DZANK1: variants seen among roughly 807,000 people sequenced by gnomAD.
The protein encoded by DZANK1 is double zinc ribbon and ankyrin repeat-containing protein 1.
DZANK1 carries 91 observed loss-of-function variants against 94.5 expected under a neutral mutation model. That is an observed-to-expected ratio of 0.96 (90% CI 0.81 to 1.15). The LOEUF (loss-of-function observed/expected upper bound fraction) is 1.15, where lower values mean the gene tolerates loss of function less well. DZANK1 is among the 50% of genes most tolerant of loss of function. The pLI is 0.00. For synonymous variants in DZANK1, 312 were observed against 325.3 expected (o/e 0.96, Z 0.44); for missense variants, 903 against 916.4 (o/e 0.99, Z 0.19).
rs774921228 is a variant in DZANK1, at chr20:18,394,342, G to A, written c.1620C>T (p.Tyr540=). ...CGCTGAAATTCACTGCCTTGTTCAG[G>A]TAAAGGTTCTGGCCAATGAAAACAT... is the stretch of plus-strand genomic sequence containing the variant. Residue 540 remains tyrosine, a synonymous_variant, in exon 16 of 21, where the codon TAC becomes TAT. Coordinates refer to ENST00000262547, the Ensembl canonical transcript of DZANK1. 6.2e-6 allele frequency: 10 copies of A among 1,613,488 alleles called. No homozygotes were observed. In the East Asian group the frequency reaches 2.0e-4, roughly 32 times the overall value.
At chr20:18,384,210 C>T (rs1319646638) in exon 21 of DZANK1, 1 of 513,698 alleles carries the variant, frequency 1.9e-6, no homozygotes, top group East Asian at 3.8e-5. Context: ...CAGGCATGCA[C>T]CACTACGCCC....
chr20:18,427,283 T>C, intron 9 of DZANK1, 124 bp from the exon 10 acceptor site: 3 of 610,064 alleles, frequency 4.9e-6, no homozygotes, highest in Non-Finnish European at 5.6e-6. Flanking sequence ...AGGCCCTGAA[T>C]ACTGGATTGG....
At chr20:18,413,455 G>C (rs2057350409) in intron 12 of DZANK1, among the ~76,000 whole-genome samples, 1 of 152,190 alleles carries the variant, frequency 6.6e-6, no homozygotes, top group Non-Finnish European at 1.5e-5. Context: ...GCTAGTGGCA[G>C]TTTAGGATTT....
At chr20:18,459,033 C>T (rs556736873) in intron 3 of DZANK1, among the ~76,000 whole-genome samples, 15 of 152,328 alleles carry the variant, frequency 9.8e-5, no homozygotes, top group Admixed American at 4.6e-4. Flanking sequence ...ATTTTTTACT[C>T]TCTCTTGAAA....
chr20:18,393,636 T>TA, intron 17 of DZANK1, 75 bp downstream of exon 17: 2 of 990,914 alleles, frequency 2.0e-6, no homozygotes, highest in East Asian at 2.5e-5. Flanking sequence ...TCTTCCATTT[T>TA]AAAAAAGGTC....
At chr20:18,415,163 G>A (rs6045393) in intron 11 of DZANK1, among the ~76,000 whole-genome samples, 164 bp downstream of exon 11, 125,989 of 152,088 alleles carry the variant, frequency 0.83, 52,693 homozygotes, top group South Asian at 0.96. Flanking sequence ...ATGGCTCTCA[G>A]TGTAAGATAA....
intron 5 of DZANK1, among the ~76,000 whole-genome samples, chr20:18,453,278 G>GT (rs1386090261): frequency 6.6e-6 from 1 of 152,190 alleles, no homozygotes; most frequent in Non-Finnish European, 1.5e-5. Flanking sequence ...TGAACACAGT[G>GT]TTCCCCATGT....
At chr20:18,415,224 TC>T in intron 11 of DZANK1, 102 bp downstream of exon 11, 1 of 1,244,082 alleles carries the variant, frequency 8.0e-7, no homozygotes, top group Non-Finnish European at 1.0e-6. Context: ...AGTAGCGAAA[TC>T]ACAAGAAGTG....
chr20:18,432,183 T>C (rs541242136), intron 9 of DZANK1, among the ~76,000 whole-genome samples: 1 of 152,312 alleles, frequency 6.6e-6, no homozygotes, highest in East Asian at 1.9e-4. Flanking sequence ...GATGATATTA[T>C]ATATATTGAG....
At chr20:18,411,918 G>A (rs533094224) in intron 13 of DZANK1, among the ~76,000 whole-genome samples, 1 of 152,124 alleles carries the variant, frequency 6.6e-6, no homozygotes, top group Non-Finnish European at 1.5e-5. Flanking sequence ...GGAGGGCAAC[G>A]TTGTGTCCTC....
chr20:18,465,376 C>CTA lies in DZANK1; in HGVS notation c.-19_-18insTA, dbSNP rs778654956. The stretch of plus-strand genomic sequence containing the variant: ...GCAGTCATTTTCTCTCTCTCTCTCT[C>CTA]TCTCTATATATATATACATATAAAT... On this transcript the variant is annotated splice_region_variant and 5_prime_UTR_variant, in exon 2 of 21. Coordinates refer to ENST00000262547, the Ensembl canonical transcript of DZANK1. 1,138 of 1,352,400 alleles carry CTA rather than the reference C, an allele frequency of 8.4e-4. 1 individual carries two copies. Among genetic ancestry groups the CTA allele is most frequent in the African/African-American group, 2.7e-3 (177 of 66,360 alleles). The allele number at this position is 1,352,400 out of a possible 1,614,324, so 83.8% of individuals were successfully genotyped here.
At chr20:18,408,683 A>T (rs2148397910) in intron 13 of DZANK1, among the ~76,000 whole-genome samples, 1 of 152,372 alleles carries the variant, frequency 6.6e-6, no homozygotes. Flanking sequence ...TATCTTTCAA[A>T]CATGAAGGAG....
At chr20:18,466,307 C>A (rs971526148) in intron 1 of DZANK1, among the ~76,000 whole-genome samples, 2 of 152,208 alleles carry the variant, frequency 1.3e-5, no homozygotes, top group Non-Finnish European at 2.9e-5. Context: ...TGTGGCTGGG[C>A]ATTTAGGCTA....
chr20:18,441,754 G>A lies in DZANK1; in HGVS notation c.747+1593C>T, dbSNP rs117429336. 1.1e-3 allele frequency among the ~76,000 whole-genome samples: 160 copies of A among 152,322 alleles called. 5 individuals are homozygous for A. The East Asian group carries it at 0.03, about 29-fold the overall frequency. On this transcript the variant is annotated intron_variant, in intron 8 of 20. Transcript: ENST00000262547. This position sits in a 1 kb window ranked among gnomAD's most constrained non-coding sequence, Gnocchi z 4.1. ...AACTCATTAGGAATTCCTCATCTAG[G>A]GAACTGGCAGAACATGTTGGGAAGT...
intron 13 of DZANK1, among the ~76,000 whole-genome samples, chr20:18,400,035 T>C (rs2056587279): frequency 6.6e-6 from 1 of 152,220 alleles, no homozygotes; most frequent in Non-Finnish European, 1.5e-5. Context: ...ATTAGCTTAG[T>C]GATGTTGAGC....
At chr20:18,454,936 A>C (rs922675609) in intron 4 of DZANK1, among the ~76,000 whole-genome samples, 6 of 152,220 alleles carry the variant, frequency 3.9e-5, no homozygotes, top group African/African-American at 1.2e-4. Flanking sequence ...AAAGCTGACC[A>C]AGGGCAGAAA....
intron 12 of DZANK1, chr20:18,413,306 T>G (rs1309027966): frequency 6.0e-6 from 1 of 165,580 alleles, no homozygotes; most frequent in Non-Finnish European, 1.3e-5. Context: ...ATTCATATGG[T>G]GAACATCATA....
chr20:18,459,643 G>A (rs1447281502), intron 3 of DZANK1, among the ~76,000 whole-genome samples: 1 of 151,918 alleles, frequency 6.6e-6, no homozygotes, highest in African/African-American at 2.4e-5. Flanking sequence ...ATTTGAAAAT[G>A]GGAAAAAGTC....
Position 18,465,397 on chromosome 20 carries a change from T to TA in DZANK1, c.-19-21dup. 1.1e-6 allele frequency: 1 copy of TA among 926,250 alleles called. No homozygotes were observed. Among genetic ancestry groups the TA allele is most frequent in the Non-Finnish European group, 1.4e-6 (1 of 716,404 alleles). 57.4% of individuals were successfully genotyped at this position (926,250 alleles called of 1,614,324 possible). A position where few individuals can be genotyped will look rare whatever the true frequency, so the allele number is the denominator to read the frequency against. ...CTCTCTCTCTATATATATATACATA[T>TA]AAATTCCAATGTACACAAAAGCTGA... On this transcript the variant is annotated intron_variant, in intron 1 of 20. Transcript: ENST00000262547.
Sources: gnomAD v4.1 joint callset for allele counts (sites outside exome capture counted in the v4.1 genomes callset) on GRCh38, gnomAD v4.1.1 for gene constraint, Gnocchi (gnomAD v3.1) non-coding constraint, MANE v1.5 for transcripts, NCBI Gene and HGNC (gene_info 2026-07-23, HGNC 2026-07-21) for gene names.